The following RBM28 variants were observed in gnomAD, a reference collection of about 807,000 sequenced individuals.
RBM28 encodes RNA binding motif protein 28.
In RBM28, 78 loss-of-function variants were observed where a neutral mutation model predicts 98.3. The ratio of observed to expected loss-of-function variants is 0.79; its 90% CI spans 0.66 to 0.96. The LOEUF (loss-of-function observed/expected upper bound fraction) is 0.96. Ranked by LOEUF, RBM28 falls within the 40% of genes least tolerant of loss-of-function variation. The pLI is 0.00. For synonymous variants in RBM28, 306 were observed against 330.9 expected, an observed-to-expected ratio of 0.92 and a Z score of 0.82; for missense variants, 838 against 913.0, an observed-to-expected ratio of 0.92 and a Z score of 1.06.
intron 1 of RBM28, among the ~76,000 whole-genome samples, chr7:128,341,587 C>T (rs904458495): frequency 5.9e-5 from 9 of 152,332 alleles, no homozygotes; most frequent in African/African-American, 2.2e-4. Flanking sequence ...TACATATCAG[C>T]TGTCTGGATA....
rs979989477 is a variant in RBM28, at chr7:128,299,904, C to T, written c.*10893G>A. The T allele has an allele frequency of 6.6e-6, 1 of 152,242 alleles. No individual in the cohort carries two copies. The highest frequency in any genetic ancestry group is 1.5e-5 in the Non-Finnish European group (1 of 68,054). 9.4% of individuals were successfully genotyped at this position (152,242 alleles called of 1,614,324 possible). On this transcript the variant is annotated 3_prime_UTR_variant, in exon 19 of 19. Transcript: ENST00000223073. Reference sequence around the variant, plus strand: ...CCTATAGACACAGGGAGAAGATGGCCATGTGACAACGAGGCAGAGACTGCA... The same window carrying T: ...CCTATAGACACAGGGAGAAGATGGCTATGTGACAACGAGGCAGAGACTGCA...
At chr7:128,327,040 G>C (rs1276407503) in intron 10 of RBM28, among the ~76,000 whole-genome samples, 3 of 152,072 alleles carry the variant, frequency 2.0e-5, no homozygotes. Flanking sequence ...AGAAAGCTGA[G>C]GTGGGAGGAT....
intron 2 of RBM28, 111 bp from the exon 3 acceptor site, chr7:128,339,432 G>T: frequency 8.8e-7 from 1 of 1,141,296 alleles, no homozygotes; most frequent in Non-Finnish European, 1.3e-6. Flanking sequence ...ACAGGGTTAA[G>T]TGTGGCAATA....
At chr7:128,330,751 G>A (rs180745024) in intron 10 of RBM28, 68 bp downstream of exon 10, 44 of 1,109,992 alleles carry the variant, frequency 4.0e-5, no homozygotes, top group Middle Eastern at 2.0e-4. Context: ...TTATGCTCTC[G>A]TAACCTAGTC....
chr7:128,307,498 G>A lies in RBM28; in HGVS notation c.*3299C>T, dbSNP rs148389345. The A allele has an allele frequency of 2.0e-5, 3 of 150,204 alleles. No homozygotes were observed. The highest frequency in any genetic ancestry group is 4.4e-5 in the Non-Finnish European group (3 of 68,026). The allele number at this position is 150,204 out of a possible 1,614,324, so 9.3% of individuals were successfully genotyped here. On this transcript the variant is annotated 3_prime_UTR_variant, in exon 19 of 19. Transcript: ENST00000223073. ...ACCAAAGTACATTTTGAAGTATTTC[G>A]AAGAATGAATCACATGCCCTAACTT...
rs774062109 is a variant in RBM28, at chr7:128,323,527, C to T, written c.1404G>A (p.Arg468=). 4.3e-6 allele frequency: 7 copies of T among 1,614,074 alleles called. No homozygotes were observed. In the Admixed American group the frequency reaches 8.3e-5, roughly 19 times the overall value. ...VSAADMAKRE[R]FELLKHQKLK... ...GAAGGTCAATGCCTAATCTACTCACCCGTTCTCTTTTGGCCATATCAGCAG... is the reference window on the plus strand; with the variant it reads ...GAAGGTCAATGCCTAATCTACTCACTCGTTCTCTTTTGGCCATATCAGCAG... Residue 468 remains arginine (R), a splice_region_variant and synonymous_variant, in exon 13 of 19, where the codon CGG becomes CGA. Transcript: ENST00000223073.
In RBM28 at chr7:128,335,678, C is replaced by T. The variant is rs199999804; in HGVS notation, c.811G>A (p.Ala271Thr). 6 of 1,614,058 alleles carry T rather than the reference C, an allele frequency of 3.7e-6. No homozygotes were observed. Among genetic ancestry groups the T allele is most frequent in the African/African-American group, 1.3e-5 (1 of 74,938 alleles). Residue 271 changes from alanine (A) to threonine (T), a missense_variant and splice_region_variant, in exon 8 of 19, where the codon GCA becomes ACA. Transcript: ENST00000223073. ...TTTGCAGGGGCTGGTCTCTTGACTGCTCTGCAATGGCACAGATCAGAACTA... is the reference window on the plus strand; with the variant it reads ...TTTGCAGGGGCTGGTCTCTTGACTGTTCTGCAATGGCACAGATCAGAACTA... Reference protein sequence around the residue: ...VTKPVQIQKRAVKRPAPAKSS... With the variant: ...VTKPVQIQKRTVKRPAPAKSS...
intron 17 of RBM28, among the ~76,000 whole-genome samples, chr7:128,313,516 C>T (rs1429002812): frequency 6.6e-6 from 1 of 152,160 alleles, no homozygotes; most frequent in East Asian, 1.9e-4. Context: ...ATTAAAAAGT[C>T]CCAGCTACTC....
chr7:128,323,677 T>C, intron 12 of RBM28, 86 bp from the exon 13 acceptor site: 3 of 1,489,532 alleles, frequency 2.0e-6, no homozygotes, highest in Non-Finnish European at 2.8e-6. Flanking sequence ...TGATGCAAAC[T>C]CTTTGTACAG....
intron 18 of RBM28, 63 bp downstream of exon 18, chr7:128,313,112 C>T (rs1796021399): frequency 1.3e-6 from 2 of 1,522,660 alleles, no homozygotes; most frequent in East Asian, 2.3e-5. Context: ...AACCAAGGTA[C>T]AAACATGGCT....
intron 10 of RBM28, among the ~76,000 whole-genome samples, chr7:128,327,738 G>C (rs1321687260): frequency 6.6e-6 from 1 of 152,104 alleles, no homozygotes; most frequent in Non-Finnish European, 1.5e-5. Flanking sequence ...AACCTCAGGT[G>C]ATCCGCCTGC....
Position 128,343,826 on chromosome 7 carries a change from G to A in RBM28, c.-33C>T, listed in dbSNP as rs776802497. 3.1e-4 allele frequency: 458 copies of A among 1,500,364 alleles called. 3 individuals carry two copies. Among genetic ancestry groups the A allele is most frequent in the Non-Finnish European group, 2.2e-5 (24 of 1,103,420 alleles). 92.9% of individuals were successfully genotyped at this position (1,500,364 alleles called of 1,614,324 possible). A position where few individuals can be genotyped will look rare whatever the true frequency, so the allele number is the denominator to read the frequency against. Reference sequence around the variant, plus strand: ...GGAAACCCAAAGCGCGTGAGGACGCGAGCAAACTAGGCCGGCGCACGCGAG... The same window carrying A: ...GGAAACCCAAAGCGCGTGAGGACGCAAGCAAACTAGGCCGGCGCACGCGAG... On this transcript the variant is annotated 5_prime_UTR_variant, in exon 1 of 19. Transcript: ENST00000223073.
intron 10 of RBM28, among the ~76,000 whole-genome samples, chr7:128,326,322 A>AG (rs1562954165): frequency 1.3e-5 from 2 of 151,372 alleles, no homozygotes; most frequent in African/African-American, 2.4e-5. Flanking sequence ...AAAAAAAAAA[A>AG]GTACAGCCAT....
intron 13 of RBM28, 21 bp downstream of exon 13, chr7:128,323,506 G>T: frequency 1.9e-6 from 3 of 1,613,938 alleles, no homozygotes; most frequent in Non-Finnish European, 2.5e-6. Context: ...GAACGTGAAG[G>T]TCAATGCCTA....
chr7:128,310,891 C>G lies in RBM28; in HGVS notation c.2186G>C (p.Arg729Pro), dbSNP rs201726882. The part of the protein sequence containing the change: ...KKAKGNKTET[R>P]FNQLVEQYKQ... ...ATATTGTTCGACCAGCTGGTTGAAG[C>G]GGGTTTCCGTCTTATTTCCCTTAGC... Residue 729 changes from arginine to proline, a missense_variant, in exon 19 of 19, where the codon CGC (arginine) becomes CCC (proline). Arg to Pro is a moderately radical substitution (Grantham distance 103, BLOSUM62 -2). Coordinates refer to ENST00000223073, the MANE Select transcript of RBM28 (RefSeq NM_018077.3). The G allele has an allele frequency of 6.2e-7, 1 of 1,613,722 alleles. No individual in the cohort carries two copies. Among genetic ancestry groups the G allele is most frequent in the Non-Finnish European group, 8.5e-7 (1 of 1,179,688 alleles).
intron 14 of RBM28, among the ~76,000 whole-genome samples, chr7:128,320,425 G>A (rs996091311): frequency 7.5e-6 from 1 of 133,638 alleles, no homozygotes; most frequent in African/African-American, 3.2e-5. Context: ...AAAAAGAAAG[G>A]AAGAAAAGAA....
At chr7:128,340,078 C>A (rs79663982) in intron 1 of RBM28, among the ~76,000 whole-genome samples, 2 of 152,044 alleles carry the variant, frequency 1.3e-5, no homozygotes, top group African/African-American at 4.8e-5. Flanking sequence ...CCCAAGAAAA[C>A]AGAGAATCCA....
rs1179225778 is a variant in RBM28, at chr7:128,306,053, G to C, written c.*4744C>G. 1 of 152,178 alleles carries C rather than the reference G, an allele frequency of 6.6e-6. No homozygotes were observed. Among genetic ancestry groups the C allele is most frequent in the Non-Finnish European group, 1.5e-5 (1 of 68,050 alleles). The allele number at this position is 152,178 out of a possible 1,614,324, so 9.4% of individuals were successfully genotyped here. A position where few individuals can be genotyped will look rare whatever the true frequency, so the allele number is the denominator to read the frequency against. On this transcript the variant is annotated 3_prime_UTR_variant, in exon 19 of 19. Transcript: ENST00000223073. ...GACTATGGGAGCTAGTTCTTATAGT[G>C]GCTCATGATCTACTTGGGAAGGCAA...
At chr7:128,321,138 C>T (rs1796223275) in intron 14 of RBM28, 128 bp downstream of exon 14, 2 of 1,316,878 alleles carry the variant, frequency 1.5e-6, no homozygotes, top group Admixed American at 1.8e-5. Flanking sequence ...TGCACTACAG[C>T]CTGGGCAACA....
Sources: gnomAD v4.1 joint callset for allele counts (sites outside exome capture counted in the v4.1 genomes callset) on GRCh38, gnomAD v4.1.1 for gene constraint, MANE v1.5 for transcripts, NCBI Gene and HGNC (gene_info 2026-07-23, HGNC 2026-07-21) for gene names.